The following ROBO2 variants were observed in gnomAD, a reference collection of about 807,000 sequenced individuals.
ROBO2 encodes roundabout homolog 2.
A neutral mutation model predicts 160.8 loss-of-function variants in ROBO2; 53 were observed. The observed-to-expected ratio is 0.33, with a 90% CI of 0.26 to 0.41. ROBO2 has a LOEUF of 0.41. Ranked by LOEUF, ROBO2 falls within the 10% of genes least tolerant of loss-of-function variation. ROBO2 has a pLI of 1.00. For synonymous variants in ROBO2, 664 were observed against 611.7 expected (o/e 1.09, Z -1.26); for missense variants, 1,577 against 1,722.4 (o/e 0.92, Z 1.49).
intron 2 of ROBO2, among the ~76,000 whole-genome samples, chr3:75,947,449 A>G (rs745710017): frequency 2.6e-5 from 4 of 152,136 alleles, no homozygotes; most frequent in Non-Finnish European, 4.4e-5. Context: ...TAAGTCTAAA[A>G]TGTAAAATAT....
intron 2 of ROBO2, among the ~76,000 whole-genome samples, chr3:76,626,933 G>T (rs1255015347): frequency 2.0e-5 from 3 of 151,962 alleles, no homozygotes; most frequent in Non-Finnish European, 4.4e-5. Context: ...CTTGTGGTCC[G>T]CCCGCCTCGG....
chr3:76,438,780 G>C (rs1484801846), intron 2 of ROBO2, among the ~76,000 whole-genome samples: 1 of 151,700 alleles, frequency 6.6e-6, no homozygotes, highest in Non-Finnish European at 1.5e-5. Context: ...GTAATTTTTA[G>C]TTATCAACTA....
At chr3:76,274,357 AAAAAG>A (rs1707792772) in intron 2 of ROBO2, among the ~76,000 whole-genome samples, 1 of 152,138 alleles carries the variant, frequency 6.6e-6, no homozygotes, top group Non-Finnish European at 1.5e-5. Context: ...AATTAAAAAA[AAAAAG>A]AATTTTCAGC....
At chr3:76,015,995 C>T (rs1294415165) in intron 2 of ROBO2, among the ~76,000 whole-genome samples, 3 of 152,106 alleles carry the variant, frequency 2.0e-5, no homozygotes, top group Non-Finnish European at 4.4e-5. Context: ...AATGAGAGAA[C>T]TTTTTGCAGT....
At chr3:76,560,394 G>C (rs1379886627) in intron 2 of ROBO2, among the ~76,000 whole-genome samples, 1 of 151,958 alleles carries the variant, frequency 6.6e-6, no homozygotes, top group Non-Finnish European at 1.5e-5. Flanking sequence ...TTGAAAAAGA[G>C]CTATCAAATA....
chr3:76,912,119 T>C (rs1340035194), intron 2 of ROBO2, among the ~76,000 whole-genome samples: 2 of 152,210 alleles, frequency 1.3e-5, no homozygotes, highest in African/African-American at 4.8e-5. Context: ...CATTTTCTTA[T>C]GCTGATTCAG....
At chr3:76,699,441 G>T (rs1299928457) in intron 2 of ROBO2, among the ~76,000 whole-genome samples, 1 of 152,024 alleles carries the variant, frequency 6.6e-6, no homozygotes, top group Non-Finnish European at 1.5e-5. Flanking sequence ...CTTTTATTTG[G>T]ACGTTCTGAT....
intron 2 of ROBO2, among the ~76,000 whole-genome samples, chr3:76,835,734 C>T (rs1225330159): frequency 2.0e-5 from 3 of 151,970 alleles, no homozygotes; most frequent in East Asian, 3.9e-4. Context: ...ATTTTTCTAA[C>T]ATGGATCTCC....
intron 5 of ROBO2, among the ~76,000 whole-genome samples, chr3:77,518,613 T>C (rs1319653122): frequency 6.6e-6 from 1 of 151,518 alleles, no homozygotes; most frequent in Admixed American, 6.6e-5. Flanking sequence ...TACCCTAATG[T>C]GGAGACATCA....
At chr3:76,727,679 A>G (rs1415553661) in intron 2 of ROBO2, among the ~76,000 whole-genome samples, 1 of 152,134 alleles carries the variant, frequency 6.6e-6, no homozygotes, top group Non-Finnish European at 1.5e-5. Context: ...TCATTTGTGG[A>G]AGCTAAAAAA....
At chr3:76,248,311 A>G (rs1237183077) in intron 2 of ROBO2, among the ~76,000 whole-genome samples, 1 of 152,138 alleles carries the variant, frequency 6.6e-6, no homozygotes, top group Non-Finnish European at 1.5e-5. Context: ...CTATGCAGCC[A>G]TAAAAAATGA....
intron 17 of ROBO2, among the ~76,000 whole-genome samples, chr3:77,590,639 G>T (rs1324447702): frequency 6.6e-6 from 1 of 152,024 alleles, no homozygotes; most frequent in Non-Finnish European, 1.5e-5. Context: ...GACTGTGCTG[G>T]TCAGTTCGGT....
In ROBO2 at chr3:76,272,827, TA is replaced by T. The variant is rs1424471022; in HGVS notation, c.109+335229del. Among the ~76,000 whole-genome samples, 4 of 12,734 alleles carry T rather than the reference TA, an allele frequency of 3.1e-4. 1 individual carries two copies. Among genetic ancestry groups the T allele is most frequent in the Non-Finnish European group, 5.8e-4 (3 of 5,152 alleles). 8.4% of individuals were successfully genotyped at this position (12,734 alleles called of 152,430 possible). A position where few individuals can be genotyped will look rare whatever the true frequency, so the allele number is the denominator to read the frequency against. Reference sequence around the variant, plus strand: ...AAAATATATAATATGTATTTATATATAAAATATATATATTATATATTATATA... The same window carrying T: ...AAAATATATAATATGTATTTATATATAAATATATATATTATATATTATATA... On this transcript the variant is annotated intron_variant, in intron 2 of 26. Coordinates refer to the ROBO2 transcript ENST00000487694.
intron 2 of ROBO2, among the ~76,000 whole-genome samples, chr3:76,418,420 TA>T (rs1170770828): frequency 6.6e-6 from 1 of 150,448 alleles, no homozygotes; most frequent in African/African-American, 2.4e-5. Flanking sequence ...GTTGTATTTT[TA>T]GTAGAGACAG....
At chr3:77,127,715 G>A (rs1278943178) in intron 2 of ROBO2, among the ~76,000 whole-genome samples, 5 of 152,118 alleles carry the variant, frequency 3.3e-5, no homozygotes, top group Non-Finnish European at 7.4e-5. Flanking sequence ...GGAAAATTAA[G>A]GCCTCATTCC....
intron 16 of ROBO2, among the ~76,000 whole-genome samples, chr3:77,583,078 G>A (rs1321594533): frequency 6.9e-6 from 1 of 145,696 alleles, no homozygotes; most frequent in Non-Finnish European, 1.5e-5. Context: ...GGAGGCGGAG[G>A]TTGCAGTGAG....
At chr3:76,328,489 G>T (rs1347151856) in intron 2 of ROBO2, among the ~76,000 whole-genome samples, 5 of 152,116 alleles carry the variant, frequency 3.3e-5, no homozygotes, top group Non-Finnish European at 7.3e-5. Flanking sequence ...TTAGTTTGGA[G>T]GCCGAGGCGG....
chr3:76,675,904 T>C (rs981820478), intron 2 of ROBO2, among the ~76,000 whole-genome samples: 12 of 152,170 alleles, frequency 7.9e-5, no homozygotes, highest in Non-Finnish European at 1.6e-4. Context: ...TATAAGACCA[T>C]GGACATATAG....
intron 2 of ROBO2, among the ~76,000 whole-genome samples, chr3:77,110,049 T>G (rs2073364081): frequency 6.6e-6 from 1 of 152,232 alleles, no homozygotes; most frequent in Admixed American, 6.5e-5. Flanking sequence ...TTTATTTAGT[T>G]ACATATTGAC....
Sources: gnomAD v4.1 joint callset for allele counts (sites outside exome capture counted in the v4.1 genomes callset) on GRCh38, gnomAD v4.1.1 for gene constraint, MANE v1.5 for transcripts, NCBI Gene and HGNC (gene_info 2026-07-23, HGNC 2026-07-21) for gene names.